TANK: variants seen among roughly 807,000 people sequenced by gnomAD.
TANK encodes the protein TRAF family member associated NFKB activator.
A neutral mutation model predicts 43.6 loss-of-function variants in TANK; 15 were observed. That is an observed-to-expected ratio of 0.34 (90% CI 0.23 to 0.53). The LOEUF (loss-of-function observed/expected upper bound fraction) is 0.53. Among genes scored for constraint, TANK ranks in the 20% least tolerant of loss-of-function variants. The pLI, the probability that TANK is intolerant of heterozygous loss-of-function variation, is 0.94. For missense variants in TANK, 417 were observed against 498.6 expected (o/e 0.84, Z 1.56); for synonymous variants, 162 against 178.2 (o/e 0.91, Z 0.73).
intron 2 of TANK, chr2:161,200,424 G>A: frequency 1.1e-6 from 1 of 945,898 alleles, no homozygotes; most frequent in Non-Finnish European, 1.3e-6. Context: ...AAAAAAAAAA[G>A]ACTAGTTTCA....
At position 161,231,273 on chromosome 2, in the gene TANK, G is replaced by T. The variant is rs140137701; in HGVS notation, c.823G>T (p.Asp275Tyr). The T allele has an allele frequency of 7.4e-6, 12 of 1,613,966 alleles. No individual in the cohort carries two copies. Among genetic ancestry groups the T allele is most frequent in the Non-Finnish European group, 9.3e-6 (11 of 1,180,038 alleles). ...CQEKFNMEFR[D>Y]NPGNFVKTEE... ...AGAGAAATTTAATATGGAGTTCAGAGACAACCCAGGGAACTTTGTTAAAAC... is the reference window on the plus strand; with the variant it reads ...AGAGAAATTTAATATGGAGTTCAGATACAACCCAGGGAACTTTGTTAAAAC... The change falls in exon 7 of 8, where the codon GAC becomes TAC. Residue 275 changes from aspartate (D) to tyrosine (Y), a missense_variant. By Grantham distance (160) the Asp-to-Tyr change is radical (BLOSUM62 -3). Transcript: ENST00000392749.
intron 1 of TANK, among the ~76,000 whole-genome samples, chr2:161,164,820 G>T (rs1357876605): frequency 1.3e-5 from 2 of 151,966 alleles, no homozygotes; most frequent in Non-Finnish European, 2.9e-5. Context: ...ACATTGCTAT[G>T]CAACCAAGAA....
Position 161,235,542 on chromosome 2 carries a change from C to A in TANK, c.*24C>A. ...AAGACACATTTGAAAACAGACATAT[C>A]AAGTTCTATGTGATGATTTTGGGTT... On this transcript the variant is annotated 3_prime_UTR_variant, in exon 8 of 8. Transcript: ENST00000392749. 1 of 1,588,682 alleles carries A rather than the reference C, an allele frequency of 6.3e-7. No homozygotes were observed. The highest frequency in any genetic ancestry group is 1.8e-5 in the Admixed American group (1 of 56,870).
chr2:161,177,950 C>G, intron 1 of TANK, among the ~76,000 whole-genome samples: 1 of 152,080 alleles, frequency 6.6e-6, no homozygotes, highest in East Asian at 1.9e-4. Flanking sequence ...AACTGCAAAT[C>G]AAAACCTTGA....
At chr2:161,178,783 G>T (rs1407130714) in intron 1 of TANK, among the ~76,000 whole-genome samples, 1 of 152,084 alleles carries the variant, frequency 6.6e-6, no homozygotes, top group Admixed American at 6.6e-5. Flanking sequence ...AAATAACTCG[G>T]TACCCAATAT....
chr2:161,233,011 C>T (rs1687997134), intron 7 of TANK: 1 of 729,850 alleles, frequency 1.4e-6, no homozygotes, highest in African/African-American at 1.8e-5. Flanking sequence ...TAAAAAAAAC[C>T]TTTTAAGCTA....
At chr2:161,156,019 T>C (rs1197904114), upstream of TANK, 16 of 967,098 alleles carry the variant, frequency 1.7e-5, no homozygotes, top group Non-Finnish European at 2.0e-5. Context: ...GTCATTAATA[T>C]ATTTCAAAAC....
At chr2:161,168,801 C>T (rs1007661050) in intron 1 of TANK, among the ~76,000 whole-genome samples, 4 of 152,148 alleles carry the variant, frequency 2.6e-5, no homozygotes, top group African/African-American at 9.7e-5. Context: ...CCATTGCACT[C>T]CAGCCTCGAG....
At chr2:161,211,523 A>G (rs926150189) in intron 4 of TANK, among the ~76,000 whole-genome samples, 17 of 152,270 alleles carry the variant, frequency 1.1e-4, no homozygotes, top group African/African-American at 3.6e-4. Flanking sequence ...TCATTTGAAC[A>G]AAAGCTAAAA....
intron 1 of TANK, among the ~76,000 whole-genome samples, chr2:161,142,915 G>A (rs530390248): frequency 1.1e-4 from 17 of 152,004 alleles, no homozygotes; most frequent in African/African-American, 2.7e-4. Flanking sequence ...TACTTTAGGC[G>A]GTATGGCCAT....
chr2:161,152,074 C>A (rs1684095438), intron 1 of TANK, among the ~76,000 whole-genome samples: 1 of 152,112 alleles, frequency 6.6e-6, no homozygotes, highest in Non-Finnish European at 1.5e-5. Context: ...AGCTTAATCA[C>A]CCCTTACGTG....
intron 1 of TANK, among the ~76,000 whole-genome samples, chr2:161,150,543 T>A (rs1181042689): frequency 6.6e-6 from 1 of 151,806 alleles, no homozygotes; most frequent in South Asian, 2.1e-4. Context: ...CCTTTTCCAG[T>A]TCCTTGAGGT....
chr2:161,208,587 A>G (rs1686749178), intron 4 of TANK, among the ~76,000 whole-genome samples: 1 of 152,182 alleles, frequency 6.6e-6, no homozygotes, highest in South Asian at 2.1e-4. Flanking sequence ...AAATTCACCC[A>G]GTGACTTACC....
upstream of TANK, among the ~76,000 whole-genome samples, chr2:161,157,113 T>G (rs1684248485): frequency 6.6e-6 from 1 of 152,238 alleles, no homozygotes; most frequent in African/African-American, 2.4e-5. Flanking sequence ...CACATAGTAG[T>G]GGAATTACTA....
At chr2:161,174,269 T>C (rs931199370) in intron 1 of TANK, among the ~76,000 whole-genome samples, 1 of 152,090 alleles carries the variant, frequency 6.6e-6, no homozygotes, top group Admixed American at 6.6e-5. Context: ...TTTAGTAAAG[T>C]GTTTAGGAGG....
chr2:161,188,011 T>A (rs1685741508), intron 2 of TANK, among the ~76,000 whole-genome samples: 1 of 151,956 alleles, frequency 6.6e-6, no homozygotes, highest in South Asian at 2.1e-4. Flanking sequence ...TTGTGACAAA[T>A]GAAAATGTAA....
At chr2:161,137,271 C>T in intron 1 of TANK, 1 of 983,744 alleles carries the variant, frequency 1.0e-6, no homozygotes, top group Non-Finnish European at 1.2e-6. Context: ...TGCCTATAAT[C>T]CTAGCACTTT....
chr2:161,214,117 G>A (rs970777229), intron 4 of TANK, among the ~76,000 whole-genome samples: 30 of 152,144 alleles, frequency 2.0e-4, no homozygotes, highest in Non-Finnish European at 3.1e-4. Flanking sequence ...ACTGTGACAG[G>A]TACAGGTCTT....
intron 4 of TANK, among the ~76,000 whole-genome samples, chr2:161,209,223 A>G (rs1377829536): frequency 6.6e-6 from 1 of 152,222 alleles, no homozygotes; most frequent in African/African-American, 2.4e-5. Flanking sequence ...AGAACTAAGA[A>G]ATTGTTGCAT....
Sources: gnomAD v4.1 joint callset for allele counts (sites outside exome capture counted in the v4.1 genomes callset) on GRCh38, gnomAD v4.1.1 for gene constraint, MANE v1.5 for transcripts, NCBI Gene and HGNC (gene_info 2026-07-23, HGNC 2026-07-21) for gene names.